The following CDH12 variants were observed in gnomAD, a reference collection of about 807,000 sequenced individuals.
The protein encoded by CDH12 is cadherin 12.
Under a neutral mutation model 74.1 loss-of-function variants are expected in CDH12, and 41 were observed. That is an observed-to-expected ratio of 0.55 (90% CI 0.43 to 0.72). The LOEUF (loss-of-function observed/expected upper bound fraction) is 0.72, where lower values mean the gene tolerates loss of function less well. Among genes scored for constraint, CDH12 ranks in the 30% least tolerant of loss-of-function variants. The pLI is 0.00. For missense variants in CDH12, 945 were observed against 977.2 expected (o/e 0.97, Z 0.44); for synonymous variants, 399 against 355.0 (o/e 1.12, Z -1.39).
intron 3 of CDH12, among the ~76,000 whole-genome samples, chr5:22,303,565 T>A (rs192291147): frequency 1.6e-4 from 24 of 152,184 alleles, no homozygotes; most frequent in African/African-American, 5.3e-4. Flanking sequence ...ATTATTGATA[T>A]CACAATTTCT....
chr5:22,047,864 G>T (rs1162481340), intron 5 of CDH12, among the ~76,000 whole-genome samples: 1 of 152,188 alleles, frequency 6.6e-6, no homozygotes. Flanking sequence ...GTCAGAATAT[G>T]TGTGAGATGG....
chr5:22,179,021 T>C (rs893602933), intron 4 of CDH12, among the ~76,000 whole-genome samples: 3 of 152,254 alleles, frequency 2.0e-5, no homozygotes, highest in African/African-American at 7.2e-5. Flanking sequence ...AATGCAGTTT[T>C]ATCATCTGGA....
At position 21,971,541 on chromosome 5, in the gene CDH12, T is replaced by C. The variant is rs575199999; in HGVS notation, c.526+3550A>G. Among the ~76,000 whole-genome samples, 6 of 152,208 alleles carry C rather than the reference T, an allele frequency of 3.9e-5. No individual in the cohort carries two copies. In the South Asian group the frequency reaches 1.0e-3, roughly 26 times the overall value. On this transcript the variant is annotated intron_variant, in intron 6 of 14. Coordinates refer to ENST00000382254, the MANE Select transcript of CDH12 (RefSeq NM_004061.5). Reference sequence around the variant, plus strand: ...CATAGGTTAGATATCTAATTATAAATAGTCAAATCAGCTGACTCAAGGTGG... The same window carrying C: ...CATAGGTTAGATATCTAATTATAAACAGTCAAATCAGCTGACTCAAGGTGG...
intron 1 of CDH12, among the ~76,000 whole-genome samples, chr5:22,749,094 C>T (rs1026178737): frequency 1.5e-4 from 23 of 152,160 alleles, no homozygotes; most frequent in Non-Finnish European, 3.2e-4. Context: ...GCTAATTGTG[C>T]AATATTTGGC....
intron 3 of CDH12, among the ~76,000 whole-genome samples, chr5:22,219,121 A>C (rs1751924198): frequency 6.6e-6 from 1 of 151,700 alleles, no homozygotes; most frequent in African/African-American, 2.4e-5. Context: ...ATTTGTTCTT[A>C]GCTTCTCCAT....
At chr5:22,446,168 T>C (rs376123503) in intron 2 of CDH12, among the ~76,000 whole-genome samples, 12 of 152,130 alleles carry the variant, frequency 7.9e-5, no homozygotes, top group East Asian at 3.9e-4. Flanking sequence ...ATCTTCACTG[T>C]GTCCTTGACA....
chr5:22,369,188 T>C (rs538145341), intron 3 of CDH12, among the ~76,000 whole-genome samples: 1 of 150,974 alleles, frequency 6.6e-6, no homozygotes, highest in East Asian at 2.0e-4. Flanking sequence ...TTTTGAAATT[T>C]GATGTCCCTT....
At chr5:21,832,117 A>C (rs1749056772) in intron 8 of CDH12, among the ~76,000 whole-genome samples, 2 of 152,128 alleles carry the variant, frequency 1.3e-5, no homozygotes, top group Non-Finnish European at 2.9e-5. Flanking sequence ...TTTAAAACTA[A>C]AGGTCAGATT....
intron 1 of CDH12, among the ~76,000 whole-genome samples, chr5:22,705,130 T>TATATATATACACACACAC (rs752782183): frequency 2.4e-5 from 3 of 125,616 alleles, no homozygotes; most frequent in African/African-American, 6.1e-5. Flanking sequence ...TATATATATA[T>TATATATATACACACACAC]ACACACACAC....
At chr5:21,841,970 G>T (rs904690643) in intron 8 of CDH12, among the ~76,000 whole-genome samples, 191 bp downstream of exon 8, 1 of 150,420 alleles carries the variant, frequency 6.6e-6, no homozygotes, top group Non-Finnish European at 1.5e-5. Context: ...TAACTAACCT[G>T]CACATTCTGC....
intron 1 of CDH12, among the ~76,000 whole-genome samples, chr5:22,645,101 C>T (rs1561548719): frequency 6.6e-6 from 1 of 152,072 alleles, no homozygotes; most frequent in Non-Finnish European, 1.5e-5. Flanking sequence ...GTAATCTTCA[C>T]TTTCAAGTAG....
chr5:21,864,658 T>A (rs1207843252), intron 6 of CDH12, among the ~76,000 whole-genome samples: 1 of 152,198 alleles, frequency 6.6e-6, no homozygotes, highest in Middle Eastern at 3.2e-3. Context: ...GTTGTTGCTA[T>A]AACAAACACC....
chr5:21,976,505 T>C (rs1483826606), intron 5 of CDH12, among the ~76,000 whole-genome samples: 1 of 150,330 alleles, frequency 6.7e-6, no homozygotes, highest in African/African-American at 2.4e-5. Flanking sequence ...TCTAGTAGTA[T>C]ATATTTGTAT....
At chr5:22,163,032 G>A (rs1203567951) in intron 4 of CDH12, among the ~76,000 whole-genome samples, 1 of 151,704 alleles carries the variant, frequency 6.6e-6, no homozygotes, top group Non-Finnish European at 1.5e-5. Context: ...GAGTAGCTGG[G>A]ATTACAAGCG....
chr5:22,796,809 C>T (rs1476478171), intron 1 of CDH12, among the ~76,000 whole-genome samples: 1 of 101,596 alleles, frequency 9.8e-6, no homozygotes, highest in Non-Finnish European at 1.9e-5. Context: ...CGTGAGCCAC[C>T]GCGCCCGGCC....
rs1235097281 is a variant in CDH12 at position 22,148,419 on chromosome 5, A to G, written c.-187+64079T>C. ...TTAGTTTATTTTAATTAAATGGCCAATGAAGATTTTGAGAAGTAACTAGTA... is the reference window on the plus strand; with the variant it reads ...TTAGTTTATTTTAATTAAATGGCCAGTGAAGATTTTGAGAAGTAACTAGTA... On this transcript the variant is annotated intron_variant, in intron 4 of 14. Transcript: ENST00000382254. Among the ~76,000 whole-genome samples, 8 of 151,842 alleles carry G rather than the reference A, an allele frequency of 5.3e-5. No individual in the cohort carries two copies. In the East Asian group the frequency reaches 1.2e-3, roughly 22 times the overall value.
intron 1 of CDH12, among the ~76,000 whole-genome samples, chr5:22,679,283 T>C (rs1235836458): frequency 6.6e-6 from 1 of 152,142 alleles, no homozygotes; most frequent in African/African-American, 2.4e-5. Flanking sequence ...GAGTATGTGT[T>C]CATTCCTAAC....
rs1416999668 is a variant in CDH12 at position 22,078,435 on chromosome 5, T to A, written c.231+11A>T. The stretch of plus-strand genomic sequence containing the variant: ...CCTATCAAGCGGTTGTCAAAAGAAA[T>A]ACGCCATTACCTTTCCCACATACTG... On this transcript the variant is annotated intron_variant, in intron 5 of 14. Coordinates refer to ENST00000382254, the MANE Select transcript of CDH12 (RefSeq NM_004061.5). 2 of 1,611,018 alleles carry A rather than the reference T, an allele frequency of 1.2e-6. No individual in the cohort carries two copies. Among genetic ancestry groups the A allele is most frequent in the African/African-American group, 2.7e-5 (2 of 74,770 alleles).
At chr5:22,458,480 C>A (rs576386543) in intron 2 of CDH12, among the ~76,000 whole-genome samples, 1 of 152,124 alleles carries the variant, frequency 6.6e-6, no homozygotes. Flanking sequence ...ACCCAGAAAC[C>A]AGAACCTACC....
Sources: allele counts gnomAD v4.1 joint callset (sites outside exome capture counted in the v4.1 genomes callset), GRCh38; gene constraint gnomAD v4.1.1; transcripts MANE v1.5; gene names NCBI Gene and HGNC (gene_info 2026-07-23, HGNC 2026-07-21).